RRP15: variants seen among roughly 807,000 people sequenced by gnomAD.
RRP15 encodes RRP15-like protein.
Under a neutral mutation model 27.1 loss-of-function variants are expected in RRP15, and 18 were observed. The ratio of observed to expected loss-of-function variants is 0.66; its 90% CI spans 0.46 to 0.98. The LOEUF is 0.98. Among genes scored for constraint, RRP15 ranks in the 50% least tolerant of loss-of-function variants. The pLI, the probability that RRP15 is intolerant of heterozygous loss-of-function variation, is 0.00. For missense variants in RRP15, 359 were observed against 337.8 expected (o/e 1.06, Z -0.49); for synonymous variants, 107 against 109.4 (o/e 0.98, Z 0.14).
chr1:218,334,556 A>G lies in RRP15; in HGVS notation c.*3465A>G, dbSNP rs968486429. ...AAGTTTATGTAGAGCTGTGAATATT[A>G]TAATTTGTCAATACTTTATTGATAA... On this transcript the variant is annotated 3_prime_UTR_variant, in exon 5 of 5. Transcript: ENST00000366932. The G allele has an allele frequency of 6.6e-6, 1 of 152,216 alleles. No individual in the cohort carries two copies. Among genetic ancestry groups the G allele is most frequent in the African/African-American group, 2.4e-5 (1 of 41,460 alleles). 9.4% of individuals were successfully genotyped at this position (152,216 alleles called of 1,614,324 possible). A position where few individuals can be genotyped will look rare whatever the true frequency, so the allele number is the denominator to read the frequency against.
intron 3 of RRP15, among the ~76,000 whole-genome samples, chr1:218,307,017 C>T (rs1172264934): frequency 6.6e-6 from 1 of 152,102 alleles, no homozygotes; most frequent in South Asian, 2.1e-4. Flanking sequence ...CAAATAAATA[C>T]AGAACATAGT....
At chr1:218,293,983 T>C (rs1022508458) in intron 1 of RRP15, among the ~76,000 whole-genome samples, 1 of 152,150 alleles carries the variant, frequency 6.6e-6, no homozygotes, top group Non-Finnish European at 1.5e-5. Flanking sequence ...GTTATATATA[T>C]CAACTTGAAT....
chr1:218,309,050 C>A (rs987865029), intron 4 of RRP15, among the ~76,000 whole-genome samples: 1 of 152,154 alleles, frequency 6.6e-6, no homozygotes, highest in Non-Finnish European at 1.5e-5. Flanking sequence ...ACAACAGATT[C>A]TTTCCACTGG....
At chr1:218,286,865 T>C (rs1348716304) in intron 1 of RRP15, among the ~76,000 whole-genome samples, 2 of 152,002 alleles carry the variant, frequency 1.3e-5, no homozygotes, top group Non-Finnish European at 2.9e-5. Flanking sequence ...TTAAATTCAT[T>C]AGACTAGTTC....
intron 1 of RRP15, among the ~76,000 whole-genome samples, chr1:218,288,007 A>T (rs1655576707): frequency 6.6e-6 from 1 of 152,202 alleles, no homozygotes; most frequent in Admixed American, 6.5e-5. Context: ...CAGACAAAGT[A>T]ATCTTCTGTT....
At chr1:218,297,376 G>T (rs972648980) in intron 1 of RRP15, among the ~76,000 whole-genome samples, 2 of 152,180 alleles carry the variant, frequency 1.3e-5, no homozygotes, top group Non-Finnish European at 2.9e-5. Flanking sequence ...GTATGTGTCT[G>T]TGAGTGTATT....
chr1:218,313,896 A>G (rs1656039623), intron 4 of RRP15, among the ~76,000 whole-genome samples: 1 of 152,248 alleles, frequency 6.6e-6, no homozygotes, highest in Non-Finnish European at 1.5e-5. Context: ...GATCAAATAC[A>G]GGAAGCATCA....
chr1:218,330,261 G>T (rs148171085), intron 4 of RRP15, among the ~76,000 whole-genome samples: 1 of 152,070 alleles, frequency 6.6e-6, no homozygotes, highest in African/African-American at 2.4e-5. Flanking sequence ...GAAATGAAAG[G>T]CTGTAATTAG....
rs1372973995 is a variant in RRP15, at chr1:218,332,100, A to C, written c.*1009A>C. 3.3e-5 allele frequency: 5 copies of C among 150,792 alleles called. No individual in the cohort carries two copies. The highest frequency in any genetic ancestry group is 1.2e-4 in the African/African-American group (5 of 40,280). 9.3% of individuals were successfully genotyped at this position (150,792 alleles called of 1,614,324 possible). On this transcript the variant is annotated 3_prime_UTR_variant, in exon 5 of 5. Transcript: ENST00000366932. ...TACAGAGGTGGAAATTCTCATGCTT[A>C]ACTTATGCAATGAGACAATTTCTCA...
chr1:218,307,356 A>G (rs554549884), intron 3 of RRP15, 75 bp from the exon 4 acceptor site: 1 of 1,303,242 alleles, frequency 7.7e-7, no homozygotes, highest in South Asian at 1.4e-5. Context: ...GTGAAAATAC[A>G]TTTTTCCTAT....
rs1323031637 is a variant in RRP15 at position 218,307,483 on chromosome 1, G to A, written c.556G>A (p.Glu186Lys). 5 of 1,613,990 alleles carry A rather than the reference G, an allele frequency of 3.1e-6. No homozygotes were observed. Among genetic ancestry groups the A allele is most frequent in the Non-Finnish European group, 3.4e-6 (4 of 1,179,964 alleles). ...AVQKHQKNVD[E>K]KVKEAGSSMR... is the part of the protein sequence containing the mutation. Reference sequence around the variant, plus strand: ...TCAGAAACATCAAAAGAATGTTGATGAAAAGGTTAAGGAAGCTGGAAGTTC... The same window carrying A: ...TCAGAAACATCAAAAGAATGTTGATAAAAAGGTTAAGGAAGCTGGAAGTTC... The change falls in exon 4 of 5, where the codon GAA becomes AAA. Residue 186 changes from glutamate to lysine, a missense_variant. Transcript: ENST00000366932.
At chr1:218,310,922 T>G (rs1655985291) in intron 4 of RRP15, among the ~76,000 whole-genome samples, 1 of 151,978 alleles carries the variant, frequency 6.6e-6, no homozygotes. Context: ...CTAATTTTTG[T>G]ATTTTTAGTA....
chr1:218,308,189 A>G (rs1655933744), intron 4 of RRP15, among the ~76,000 whole-genome samples: 1 of 144,720 alleles, frequency 6.9e-6, no homozygotes, highest in African/African-American at 2.6e-5. Context: ...CTCTTGCCTC[A>G]GCCTCCTGAG....
At chr1:218,304,133 T>C (rs1655855816) in intron 2 of RRP15, among the ~76,000 whole-genome samples, 1 of 152,158 alleles carries the variant, frequency 6.6e-6, no homozygotes, top group African/African-American at 2.4e-5. Flanking sequence ...AGAATTTGGT[T>C]TTACTGTGAT....
At chr1:218,330,390 C>T (rs1269174961) in intron 4 of RRP15, among the ~76,000 whole-genome samples, 2 of 152,138 alleles carry the variant, frequency 1.3e-5, no homozygotes, top group African/African-American at 4.8e-5. Context: ...TTGGGTCAGG[C>T]AGTGAGCTCA....
rs58700279 is a variant in RRP15, at chr1:218,318,495, G to A, written c.705+10863G>A. 7.0e-3 allele frequency among the ~76,000 whole-genome samples: 1,062 copies of A among 152,040 alleles called. 8 individuals are homozygous for A. Among genetic ancestry groups the A allele is most frequent in the African/African-American group, 0.024 (1,011 of 41,468 alleles). ...TCTTGAAGAATGAATAATGAATCCA[G>A]GTTTATGAATTTGTCTGATTACTTC... On this transcript the variant is annotated intron_variant, in intron 4 of 4. Coordinates refer to ENST00000366932, the MANE Select transcript of RRP15 (RefSeq NM_016052.4).
At position 218,302,378 on chromosome 1, in the gene RRP15, A is replaced by G; in HGVS notation, c.224A>G (p.Asp75Gly). 2 of 1,614,090 alleles carry G rather than the reference A, an allele frequency of 1.2e-6. No homozygotes were observed. The highest frequency in any genetic ancestry group is 8.5e-7 in the Non-Finnish European group (1 of 1,180,002). Residue 75 changes from aspartate (D) to glycine (G), a missense_variant, in exon 2 of 5, where the codon GAC becomes GGC. Transcript: ENST00000366932. ...ADSEGDAEPC[D>G]KENENDGESS... is the part of the protein sequence containing the mutation. ...AGTGAGGGTGATGCTGAGCCCTGTG[A>G]CAAAGAAAATGAAAATGATGGAGAA...
At chr1:218,315,702 G>A (rs191847887) in intron 4 of RRP15, among the ~76,000 whole-genome samples, 157 of 151,006 alleles carry the variant, frequency 1.0e-3, no homozygotes, top group Middle Eastern at 3.4e-3. Context: ...GTGATCCTCC[G>A]ACCTGGGCCT....
At chr1:218,297,915 G>T (rs185204168) in intron 1 of RRP15, among the ~76,000 whole-genome samples, 72 of 152,196 alleles carry the variant, frequency 4.7e-4, no homozygotes, top group Admixed American at 1.4e-3. Context: ...CATAAATCAT[G>T]CTTTTATGAA....
Sources: gnomAD v4.1 joint callset for allele counts (sites outside exome capture counted in the v4.1 genomes callset) on GRCh38, gnomAD v4.1.1 for gene constraint, MANE v1.5 for transcripts, NCBI Gene and HGNC (gene_info 2026-07-23, HGNC 2026-07-21) for gene names.